The following TOPAZ1 variants were observed in gnomAD, a reference collection of about 807,000 sequenced individuals.
The protein encoded by TOPAZ1 is protein TOPAZ1.
Under a neutral mutation model 172.2 loss-of-function variants are expected in TOPAZ1, and 66 were observed. The observed-to-expected ratio is 0.38, with a 90% CI of 0.31 to 0.47. The LOEUF is 0.47. Ranked by LOEUF, TOPAZ1 falls within the 20% of genes least tolerant of loss-of-function variation. The probability of loss-of-function intolerance (pLI) is 0.99; values close to 1 mark genes in which losing one functional copy is unlikely to be tolerated. For missense variants in TOPAZ1, 1,822 were observed against 1,972.4 expected, an observed-to-expected ratio of 0.92 and a Z score of 1.44; for synonymous variants, 681 against 683.9, an observed-to-expected ratio of 1.00 and a Z score of 0.07.
intron 7 of TOPAZ1, among the ~76,000 whole-genome samples, chr3:44,269,620 T>A (rs1284989017): frequency 6.6e-6 from 1 of 151,458 alleles, no homozygotes; most frequent in Non-Finnish European, 1.5e-5. Context: ...TTGGTTGTAT[T>A]TCCCTATCCT....
downstream of TOPAZ1, among the ~76,000 whole-genome samples, chr3:44,336,117 G>A (rs1029121478): frequency 2.0e-5 from 3 of 152,214 alleles, no homozygotes; most frequent in African/African-American, 7.2e-5. Flanking sequence ...GAACAGCCTG[G>A]TTAGGACTAC....
In TOPAZ1 at chr3:44,321,049, G is replaced by A. The variant is rs546837100; in HGVS notation, c.4329G>A (p.Thr1443=). Residue 1443 remains threonine (T), a synonymous_variant, in exon 17 of 20, where the codon ACG becomes ACA. Coordinates refer to ENST00000309765, the MANE Select transcript of TOPAZ1 (RefSeq NM_001145030.2). The part of the protein sequence containing the change: ...VMRESEWIIN[T]PLWPCDRLDV... ...AAGAGTCAGAGTGGATAATCAATAC[G>A]CCTCTGTGGCCTTGTGATAGACTGG... 9 of 1,545,902 alleles carry A rather than the reference G, an allele frequency of 5.8e-6. No homozygotes were observed. The highest frequency in any genetic ancestry group is 2.0e-5 in the Admixed American group (1 of 49,954).
chr3:44,295,045 C>A (rs1165501571), intron 12 of TOPAZ1, among the ~76,000 whole-genome samples: 1 of 152,076 alleles, frequency 6.6e-6, no homozygotes, highest in Non-Finnish European at 1.5e-5. Flanking sequence ...TTGTTTATCT[C>A]CTGTTTACCT....
At chr3:44,298,262 G>A (rs543444663) in intron 12 of TOPAZ1, among the ~76,000 whole-genome samples, 12 of 152,192 alleles carry the variant, frequency 7.9e-5, no homozygotes, top group African/African-American at 2.6e-4. Context: ...CCAGGAGTTC[G>A]AGGCCAGCCT....
intron 2 of TOPAZ1, among the ~76,000 whole-genome samples, chr3:44,249,510 T>G (rs1699604903): frequency 6.6e-6 from 1 of 152,276 alleles, no homozygotes; most frequent in East Asian, 1.9e-4. Flanking sequence ...TTTTCCTGAT[T>G]CCATCAGGCA....
At chr3:44,245,341 C>T in intron 2 of TOPAZ1, 70 bp downstream of exon 2, 2 of 1,405,568 alleles carry the variant, frequency 1.4e-6, no homozygotes, top group Non-Finnish European at 1.9e-6. Flanking sequence ...TTAAGTTTCA[C>T]TAATGTATTC....
At position 44,256,145 on chromosome 3, in the gene TOPAZ1, T is replaced by C. The variant is rs985021079; in HGVS notation, c.2828-6T>C. ...GTTTCTATAGTTGAATATTATTTCTTTTCAGAAAGTGAAATAAAACGTGAT... is the reference window on the plus strand; with the variant it reads ...GTTTCTATAGTTGAATATTATTTCTCTTCAGAAAGTGAAATAAAACGTGAT... On this transcript the variant is annotated splice_polypyrimidine_tract_variant and splice_region_variant and intron_variant, in intron 3 of 19. Coordinates refer to ENST00000309765, the MANE Select transcript of TOPAZ1 (RefSeq NM_001145030.2). 6.7e-7 allele frequency: 1 copy of C among 1,498,612 alleles called. No homozygotes were observed. The highest frequency in any genetic ancestry group is 8.9e-7 in the Non-Finnish European group (1 of 1,128,354). 92.8% of individuals were successfully genotyped at this position (1,498,612 alleles called of 1,614,324 possible). A position where few individuals can be genotyped will look rare whatever the true frequency, so the allele number is the denominator to read the frequency against.
chr3:44,307,186 C>A (rs1700345984), intron 15 of TOPAZ1, among the ~76,000 whole-genome samples: 1 of 152,076 alleles, frequency 6.6e-6, no homozygotes, highest in Admixed American at 6.5e-5. Flanking sequence ...CCATGCCTGG[C>A]TAATTTTGTA....
rs746511982 is a variant in TOPAZ1 at position 44,242,941 on chromosome 3, G to A, written c.435G>A (p.Ser145=). The A allele has an allele frequency of 7.1e-6, 11 of 1,550,508 alleles. No individual in the cohort carries two copies. The highest frequency in any genetic ancestry group is 3.3e-4 in the Middle Eastern group (2 of 6,014). The change falls in exon 2 of 20, where the codon TCG becomes TCA. Residue 145 remains serine, a synonymous_variant. Coordinates refer to ENST00000309765, the MANE Select transcript of TOPAZ1 (RefSeq NM_001145030.2). ...TAAGAAAGGAATCATTAACCAGTTC[G>A]GAATCTTTCCAAACAGTGGAATGCT... ...DLVRKESLTS[S]ESFQTVECLQ...
intron 16 of TOPAZ1, among the ~76,000 whole-genome samples, chr3:44,319,036 A>G (rs973943509): frequency 8.6e-5 from 13 of 151,868 alleles, no homozygotes; most frequent in Non-Finnish European, 1.9e-4. Context: ...TCGGCCCACA[A>G]CCTGGATGTG....
Position 44,290,870 on chromosome 3 carries a change from C to A in TOPAZ1, c.3781C>A (p.Leu1261Met), listed in dbSNP as rs1700129680. 3.9e-6 allele frequency: 6 copies of A among 1,544,476 alleles called. No homozygotes were observed. The highest frequency in any genetic ancestry group is 4.4e-6 in the Non-Finnish European group (5 of 1,143,860). The change falls in exon 12 of 20, where the codon CTG becomes ATG. Residue 1261 changes from leucine (L) to methionine (M), a missense_variant. Physicochemically the swap from Leu to Met is conservative, Grantham distance 15. Transcript: ENST00000309765. ...QASKQEITAV[L>M]EMKSRLQMRR... The stretch of plus-strand genomic sequence containing the variant: ...TTCCAAACAAGAAATAACTGCAGTT[C>A]TGGAAATGAAATCGAGGTGAGAAAA...
chr3:44,326,482 C>CT (rs1054219600), intron 18 of TOPAZ1, among the ~76,000 whole-genome samples: 26 of 150,892 alleles, frequency 1.7e-4, no homozygotes, highest in South Asian at 6.3e-4. Flanking sequence ...ATCTTTTGCC[C>CT]TTTTTTTTTG....
intron 9 of TOPAZ1, among the ~76,000 whole-genome samples, chr3:44,282,632 C>G (rs926127018): frequency 2.0e-5 from 3 of 152,148 alleles, no homozygotes; most frequent in African/African-American, 7.2e-5. Flanking sequence ...CACCTTCTCC[C>G]CATACTAATA....
intron 12 of TOPAZ1, among the ~76,000 whole-genome samples, chr3:44,301,472 T>G (rs1281825146): frequency 6.6e-6 from 1 of 152,352 alleles, no homozygotes; most frequent in Non-Finnish European, 1.5e-5. Context: ...AGAATACTTG[T>G]ACCCATTTGT....
At chr3:44,249,183 G>A (rs1353430304) in intron 2 of TOPAZ1, among the ~76,000 whole-genome samples, 2 of 151,460 alleles carry the variant, frequency 1.3e-5, no homozygotes, top group Middle Eastern at 3.4e-3. Context: ...CCATACAGTG[G>A]ATTGTTGAGA....
chr3:44,311,220 G>T (rs569244821), intron 16 of TOPAZ1, among the ~76,000 whole-genome samples: 39 of 152,248 alleles, frequency 2.6e-4, no homozygotes, highest in African/African-American at 9.1e-4. Context: ...TAATACAGAG[G>T]TTGTGAGTAG....
chr3:44,286,584 C>A (rs1238508150), intron 9 of TOPAZ1, among the ~76,000 whole-genome samples: 1 of 152,116 alleles, frequency 6.6e-6, no homozygotes, highest in Non-Finnish European at 1.5e-5. Context: ...TTGTCAGTAG[C>A]TACTGGCTTT....
At chr3:44,276,918 G>A (rs1231565905) in intron 8 of TOPAZ1, among the ~76,000 whole-genome samples, 4 of 151,870 alleles carry the variant, frequency 2.6e-5, no homozygotes, top group African/African-American at 9.7e-5. Flanking sequence ...AGCCTCCTGA[G>A]TAGCTGGGAC....
rs1356595012 is a variant in TOPAZ1 at position 44,242,915 on chromosome 3, G to A, written c.409G>A (p.Val137Ile). 1 of 1,543,436 alleles carries A rather than the reference G, an allele frequency of 6.5e-7. No homozygotes were observed. Among genetic ancestry groups the A allele is most frequent in the Admixed American group, 2.0e-5 (1 of 49,076 alleles). The change falls in exon 2 of 20, where the codon GTA (valine) becomes ATA (isoleucine). Residue 137 changes from valine to isoleucine, a missense_variant. Val to Ile is a conservative substitution (Grantham distance 29). This residue lies in a region of TOPAZ1 where 1,489 missense variants were observed against 1,490.8 expected (regional missense o/e 1.00). Transcript: ENST00000309765. Reference protein sequence around the residue: ...SDDPQPGLDLVRKESLTSSES... With the variant: ...SDDPQPGLDLIRKESLTSSES... ...TGATCCACAGCCAGGGCTTGACTTGGTAAGAAAGGAATCATTAACCAGTTC... is the reference window on the plus strand; with the variant it reads ...TGATCCACAGCCAGGGCTTGACTTGATAAGAAAGGAATCATTAACCAGTTC...
Sources: gnomAD v4.1 joint callset for allele counts (sites outside exome capture counted in the v4.1 genomes callset) on GRCh38, gnomAD v4.1.1 for gene constraint, gnomAD v4.1.1 regional missense constraint, MANE v1.5 for transcripts, NCBI Gene and HGNC (gene_info 2026-07-23, HGNC 2026-07-21) for gene names.